Variants in CCDC7 observed in about 807,000 individuals in gnomAD.
The protein encoded by CCDC7 is coiled-coil domain containing 7, also known as coiled-coil domain-containing protein 7.
CCDC7 carries 183 observed loss-of-function variants against 196.9 expected under a neutral mutation model. The observed-to-expected ratio is 0.93, with a 90% CI of 0.82 to 1.05. The LOEUF is 1.05. Among genes scored for constraint, CCDC7 ranks in the 50% least tolerant of loss-of-function variants. The pLI, the probability that CCDC7 is intolerant of heterozygous loss-of-function variation, is 0.00. For synonymous variants in CCDC7, 525 were observed against 484.6 expected, an observed-to-expected ratio of 1.08 and a Z score of -1.10; for missense variants, 1,540 against 1,482.2, an observed-to-expected ratio of 1.04 and a Z score of -0.64.
intron 20 of CCDC7, among the ~76,000 whole-genome samples, chr10:32,652,276 C>T (rs1362255012): frequency 2.0e-5 from 3 of 151,804 alleles, no homozygotes; most frequent in Non-Finnish European, 4.4e-5. Context: ...GATCTTTTTC[C>T]AACCCTTTTT....
chr10:32,816,873 AC>A (rs1211440781), intron 31 of CCDC7, among the ~76,000 whole-genome samples: 1 of 152,176 alleles, frequency 6.6e-6, no homozygotes, highest in African/African-American at 2.4e-5. Flanking sequence ...AGATAAAACC[AC>A]AAAGATGGGG....
chr10:32,528,926 C>A (rs925609498), intron 11 of CCDC7, among the ~76,000 whole-genome samples: 5 of 151,688 alleles, frequency 3.3e-5, no homozygotes, highest in Non-Finnish European at 7.4e-5. Context: ...TGTATAATGA[C>A]TTCTTTTCCT....
intron 29 of CCDC7, among the ~76,000 whole-genome samples, chr10:32,786,882 G>A (rs1052017318): frequency 1.3e-5 from 2 of 152,078 alleles, no homozygotes; most frequent in Non-Finnish European, 2.9e-5. Context: ...AAATAAAGAT[G>A]ATAAAAAATA....
chr10:32,705,130 T>G (rs2079486644), intron 24 of CCDC7, among the ~76,000 whole-genome samples: 1 of 152,106 alleles, frequency 6.6e-6, no homozygotes, highest in South Asian at 2.1e-4. Flanking sequence ...AGACTGGAGC[T>G]GTTCCTATTC....
chr10:32,763,953 A>G (rs2077855711), intron 28 of CCDC7, among the ~76,000 whole-genome samples: 1 of 151,830 alleles, frequency 6.6e-6, no homozygotes, highest in African/African-American at 2.4e-5. Context: ...TTGCTAAGAG[A>G]GTAGACTTTA....
At position 32,747,087 on chromosome 10, in the gene CCDC7, A is replaced by T. The variant is rs138007531; in HGVS notation, c.2905+17630A>T. Among the ~76,000 whole-genome samples the T allele has an allele frequency of 8.2e-3, 1,250 of 152,198 alleles. 8 individuals carry two copies. Among genetic ancestry groups the T allele is most frequent in the Non-Finnish European group, 0.014 (980 of 68,012 alleles). On this transcript the variant is annotated intron_variant, in intron 28 of 41. Transcript: ENST00000639629. ...AGTGTTGTTGCCAGCAGACTGGGAG[A>T]CCCTTGGCCCCTGCAAGCATAGCAG... is the stretch of plus-strand genomic sequence containing the variant.
exon 26 of CCDC7, chr10:32,726,771 A>T: frequency 3.7e-6 from 6 of 1,603,828 alleles, no homozygotes; most frequent in Non-Finnish European, 5.1e-6. Flanking sequence ...ATCAAGATTC[A>T]GTGTCAAAAC....
chr10:32,630,465 G>A (rs1313704876), intron 18 of CCDC7, among the ~76,000 whole-genome samples: 1 of 151,944 alleles, frequency 6.6e-6, no homozygotes, highest in African/African-American at 2.4e-5. Flanking sequence ...GTTAGTGCAG[G>A]GAGTGGGGTT....
chr10:32,821,902 T>C (rs941948220), intron 31 of CCDC7, among the ~76,000 whole-genome samples: 8 of 151,908 alleles, frequency 5.3e-5, no homozygotes, highest in African/African-American at 1.9e-4. Context: ...ATGGCACATG[T>C]ATACATATGT....
chr10:32,849,720 A>C (rs1565705515), intron 39 of CCDC7, among the ~76,000 whole-genome samples: 2 of 144,462 alleles, frequency 1.4e-5, no homozygotes, highest in African/African-American at 5.2e-5. Context: ...AAAAAAAAAA[A>C]GAAAAGAAAA....
At chr10:32,668,995 C>A (rs1035239168) in intron 21 of CCDC7, among the ~76,000 whole-genome samples, 1 of 152,130 alleles carries the variant, frequency 6.6e-6, no homozygotes, top group Non-Finnish European at 1.5e-5. Context: ...GAAACGCTCT[C>A]AACTTACTAC....
chr10:32,618,290 A>AT (rs2062997108), intron 18 of CCDC7, among the ~76,000 whole-genome samples: 1 of 151,556 alleles, frequency 6.6e-6, no homozygotes, highest in Admixed American at 6.6e-5. Context: ...ATTGTTTTAA[A>AT]TTTTTTTATT....
At position 32,718,159 on chromosome 10, in the gene CCDC7, G is replaced by T. The variant is rs183896243; in HGVS notation, c.2569+6429G>T. On this transcript the variant is annotated intron_variant, in intron 25 of 41. Coordinates refer to ENST00000639629, the Ensembl canonical transcript of CCDC7. ...ATAAAATACTGGCAAACAGAATCCA[G>T]CTGCACGTTAAAAAGCTTATCCACC... 7.2e-5 allele frequency among the ~76,000 whole-genome samples: 11 copies of T among 152,224 alleles called. 1 individual carries two copies. The East Asian group carries it at 2.1e-3, about 29-fold the overall frequency.
chr10:32,847,742 A>G, intron 37 of CCDC7, 91 bp from the exon 39 acceptor site: 1 of 815,096 alleles, frequency 1.2e-6, no homozygotes, highest in Non-Finnish European at 1.9e-6. Context: ...AGAAAAGAAA[A>G]AGAAATTTCA....
At chr10:32,735,236 G>C (rs1283187295) in intron 28 of CCDC7, among the ~76,000 whole-genome samples, 2 of 152,212 alleles carry the variant, frequency 1.3e-5, no homozygotes, top group Non-Finnish European at 2.9e-5. Flanking sequence ...CACGATTGCT[G>C]TATCATATAG....
intron 28 of CCDC7, among the ~76,000 whole-genome samples, chr10:32,761,026 G>C (rs1167919690): frequency 1.3e-5 from 2 of 150,946 alleles, no homozygotes; most frequent in African/African-American, 4.9e-5. Flanking sequence ...ATAATGTAAC[G>C]TATGAATTCA....
intron 32 of CCDC7, among the ~76,000 whole-genome samples, chr10:32,829,391 A>T (rs925800288): frequency 6.6e-6 from 1 of 152,226 alleles, no homozygotes; most frequent in Non-Finnish European, 1.5e-5. Context: ...GAGGACTGTA[A>T]TTGTCATGAG....
chr10:32,714,801 A>G (rs1426466383), intron 25 of CCDC7, among the ~76,000 whole-genome samples: 1 of 151,918 alleles, frequency 6.6e-6, no homozygotes, highest in Non-Finnish European at 1.5e-5. Flanking sequence ...TCGGTGCAGA[A>G]CCCACCACGG....
intron 29 of CCDC7, among the ~76,000 whole-genome samples, chr10:32,784,803 A>C (rs2081582254): frequency 6.6e-6 from 1 of 151,972 alleles, no homozygotes; most frequent in Non-Finnish European, 1.5e-5. Flanking sequence ...GGAGTTCGAG[A>C]CCAGCCTGGC....
Sources: allele counts gnomAD v4.1 joint callset (sites outside exome capture counted in the v4.1 genomes callset), GRCh38; gene constraint gnomAD v4.1.1; transcripts MANE v1.5; gene names NCBI Gene and HGNC (gene_info 2026-07-23, HGNC 2026-07-21).